The following CACNA2D3 variants were observed in gnomAD, a reference collection of about 807,000 sequenced individuals.
CACNA2D3 encodes calcium voltage-gated channel auxiliary subunit alpha2delta 3.
In CACNA2D3, 60 loss-of-function variants were observed where a neutral mutation model predicts 160.6. That is an observed-to-expected ratio of 0.37 (90% confidence interval 0.30 to 0.46). The LOEUF is 0.46. CACNA2D3 is among the 20% of genes least tolerant of loss of function. The pLI, the probability that CACNA2D3 is intolerant of heterozygous loss-of-function variation, is 1.00. For missense variants in CACNA2D3, 1,205 were observed against 1,365.0 expected (o/e 0.88, Z 1.85); for synonymous variants, 558 against 492.9 (o/e 1.13, Z -1.75).
At chr3:54,404,263 C>G (rs1489486150) in intron 4 of CACNA2D3, among the ~76,000 whole-genome samples, 6 of 152,110 alleles carry the variant, frequency 3.9e-5, no homozygotes, top group African/African-American at 1.2e-4. Flanking sequence ...TTTAGCAACT[C>G]AAATTCAAGA....
chr3:54,459,271 C>A (rs1308444439), intron 4 of CACNA2D3, among the ~76,000 whole-genome samples: 2 of 150,386 alleles, frequency 1.3e-5, no homozygotes, highest in Admixed American at 6.7e-5. Flanking sequence ...ATTTATAGTC[C>A]TTTGGGTATA....
At chr3:54,345,572 G>C (rs1378491343) in intron 3 of CACNA2D3, among the ~76,000 whole-genome samples, 1 of 152,150 alleles carries the variant, frequency 6.6e-6, no homozygotes, top group Non-Finnish European at 1.5e-5. Context: ...GAGGAGCTGG[G>C]ATCGGAGTTC....
At position 54,765,061 on chromosome 3, in the gene CACNA2D3, C is replaced by G. The variant is rs138017084; in HGVS notation, c.1380+710C>G. ...TTTTCATTTATTGATTGTAAGTGTT[C>G]TCACAGGGCCTCTCTCCAGTCATTT... On this transcript the variant is annotated intron_variant, in intron 13 of 37. Coordinates refer to ENST00000474759, the MANE Select transcript of CACNA2D3 (RefSeq NM_018398.3). Among the ~76,000 whole-genome samples the G allele has an allele frequency of 6.3e-3, 956 of 152,158 alleles. 11 individuals are homozygous for G. The highest frequency in any genetic ancestry group is 0.022 in the African/African-American group (920 of 41,536).
intron 8 of CACNA2D3, among the ~76,000 whole-genome samples, chr3:54,579,993 A>T (rs1054109763): frequency 6.6e-6 from 1 of 152,050 alleles, no homozygotes; most frequent in African/African-American, 2.4e-5. Flanking sequence ...GGAGATCTGG[A>T]GGTTTGGGGG....
At chr3:54,904,038 A>C (rs960658256) in intron 27 of CACNA2D3, among the ~76,000 whole-genome samples, 9 of 152,174 alleles carry the variant, frequency 5.9e-5, no homozygotes, top group Non-Finnish European at 1.2e-4. Context: ...TATTTCTTAC[A>C]GTTCTGCAGG....
At chr3:54,214,895 C>T (rs1317353664) in intron 2 of CACNA2D3, among the ~76,000 whole-genome samples, 1 of 152,246 alleles carries the variant, frequency 6.6e-6, no homozygotes, top group Non-Finnish European at 1.5e-5. Flanking sequence ...AGATACAGCA[C>T]CCAGGCCCTT....
At chr3:54,805,676 G>A (rs1427634468) in intron 13 of CACNA2D3, among the ~76,000 whole-genome samples, 1 of 152,176 alleles carries the variant, frequency 6.6e-6, no homozygotes, top group Non-Finnish European at 1.5e-5. Flanking sequence ...AATAGAAAAA[G>A]AGTGAATCCT....
chr3:54,441,610 A>G (rs1456269221), intron 4 of CACNA2D3, among the ~76,000 whole-genome samples: 2 of 152,088 alleles, frequency 1.3e-5, no homozygotes, highest in Admixed American at 1.3e-4. Context: ...TAGGGTTTTT[A>G]TGGTTTTAGG....
chr3:54,659,494 C>T (rs1360513053), intron 11 of CACNA2D3, among the ~76,000 whole-genome samples: 2 of 152,186 alleles, frequency 1.3e-5, no homozygotes, highest in Admixed American at 6.5e-5. Flanking sequence ...TCCCCAGTTC[C>T]TCCTCCTCCT....
intron 9 of CACNA2D3, among the ~76,000 whole-genome samples, chr3:54,588,821 C>A (rs954748117): frequency 6.6e-6 from 1 of 151,662 alleles, no homozygotes; most frequent in Non-Finnish European, 1.5e-5. Flanking sequence ...AGAGACTTAC[C>A]ATGTTCATGG....
chr3:54,608,735 T>C (rs1434287319), intron 9 of CACNA2D3, among the ~76,000 whole-genome samples: 1 of 152,234 alleles, frequency 6.6e-6, no homozygotes, highest in Non-Finnish European at 1.5e-5. Flanking sequence ...AAAAATGTCA[T>C]GGCCAAATTT....
At chr3:54,916,103 G>A (rs1700653748) in intron 27 of CACNA2D3, among the ~76,000 whole-genome samples, 1 of 152,170 alleles carries the variant, frequency 6.6e-6, no homozygotes, top group South Asian at 2.1e-4. Flanking sequence ...AACGAAGCAT[G>A]CGTTATTGAC....
chr3:55,026,296 C>G (rs559353201), intron 35 of CACNA2D3, among the ~76,000 whole-genome samples: 1 of 152,152 alleles, frequency 6.6e-6, no homozygotes, highest in Admixed American at 6.5e-5. Context: ...ACTCAGAAAA[C>G]AAATTAGGGT....
At chr3:54,178,717 G>A (rs1197495592) in intron 2 of CACNA2D3, among the ~76,000 whole-genome samples, 1 of 152,174 alleles carries the variant, frequency 6.6e-6, no homozygotes, top group Non-Finnish European at 1.5e-5. Flanking sequence ...GAAATAATCT[G>A]TCAAAATAAA....
intron 13 of CACNA2D3, among the ~76,000 whole-genome samples, chr3:54,813,127 A>C (rs551569099): frequency 6.6e-6 from 1 of 152,150 alleles, no homozygotes; most frequent in East Asian, 1.9e-4. Flanking sequence ...AGCACACCAC[A>C]ACTTTTTTCT....
intron 29 of CACNA2D3, among the ~76,000 whole-genome samples, chr3:54,975,555 G>GC (rs1702371656): frequency 6.7e-6 from 1 of 150,002 alleles, no homozygotes; most frequent in African/African-American, 2.4e-5. Context: ...AAACAACGTG[G>GC]CCCCCTTTGG....
chr3:54,928,216 G>A (rs554673964), intron 27 of CACNA2D3: 8 of 423,124 alleles, frequency 1.9e-5, no homozygotes, highest in East Asian at 1.9e-4. Context: ...CCATTCAGAC[G>A]ATGAGCCGCG....
intron 33 of CACNA2D3, among the ~76,000 whole-genome samples, chr3:55,009,147 G>C (rs1321336346): frequency 6.6e-6 from 1 of 152,138 alleles, no homozygotes; most frequent in Non-Finnish European, 1.5e-5. Context: ...TATACAGCAG[G>C]TTATTCCTCA....
chr3:54,744,817 C>T (rs1382066098), intron 11 of CACNA2D3, among the ~76,000 whole-genome samples: 1 of 152,190 alleles, frequency 6.6e-6, no homozygotes, highest in Non-Finnish European at 1.5e-5. Flanking sequence ...TGCTTCTGGC[C>T]TGTCCTTGCA....
Sources: allele counts gnomAD v4.1 joint callset (sites outside exome capture counted in the v4.1 genomes callset), GRCh38; gene constraint gnomAD v4.1.1; transcripts MANE v1.5; gene names NCBI Gene and HGNC (gene_info 2026-07-23, HGNC 2026-07-21).